ADAMTS12: variants seen among roughly 807,000 people sequenced by gnomAD.
ADAMTS12 encodes the protein A disintegrin and metalloproteinase with thrombospondin motifs 12.
ADAMTS12 carries 118 observed loss-of-function variants against 167.8 expected under a neutral mutation model. The observed-to-expected ratio is 0.70, with a 90% CI of 0.61 to 0.82. The LOEUF is 0.82. Ranked by LOEUF, ADAMTS12 falls within the 40% of genes least tolerant of loss-of-function variation. The pLI is 0.00. For missense variants in ADAMTS12, 1,916 were observed against 1,998.8 expected (o/e 0.96, Z 0.79); for synonymous variants, 704 against 716.9 (o/e 0.98, Z 0.29).
chr5:33,674,028 C>G (rs1177094176), intron 5 of ADAMTS12, among the ~76,000 whole-genome samples: 1 of 152,190 alleles, frequency 6.6e-6, no homozygotes, highest in African/African-American at 2.4e-5. Context: ...AAATTGTATG[C>G]CTGCTTTCCT....
intron 17 of ADAMTS12, among the ~76,000 whole-genome samples, chr5:33,594,935 T>C (rs1747838664): frequency 6.6e-6 from 1 of 152,204 alleles, no homozygotes; most frequent in Non-Finnish European, 1.5e-5. Context: ...GTCACCTGTT[T>C]GAGTCTCCCC....
chr5:33,658,483 T>G (rs951367213), intron 6 of ADAMTS12, 150 bp from the exon 7 acceptor site: 1 of 798,922 alleles, frequency 1.3e-6, no homozygotes, highest in Admixed American at 3.1e-5. Context: ...TAGGCAGCAA[T>G]TTTGAATTCA....
chr5:33,810,715 C>T (rs1257938543), intron 2 of ADAMTS12, among the ~76,000 whole-genome samples: 1 of 152,126 alleles, frequency 6.6e-6, no homozygotes, highest in African/African-American at 2.4e-5. Flanking sequence ...GAATTTTGCC[C>T]TAAAATTGAG....
At chr5:33,879,460 A>T (rs968130048) in intron 2 of ADAMTS12, among the ~76,000 whole-genome samples, 2 of 152,180 alleles carry the variant, frequency 1.3e-5, no homozygotes, top group Non-Finnish European at 2.9e-5. Flanking sequence ...CAGGAATGAG[A>T]GCCAGGATTG....
intron 7 of ADAMTS12, among the ~76,000 whole-genome samples, chr5:33,651,785 A>C (rs1740875581): frequency 6.6e-6 from 1 of 152,046 alleles, no homozygotes; most frequent in African/African-American, 2.4e-5. Context: ...TTTTCAACTC[A>C]TTCTCCTCCC....
At chr5:33,668,985 A>G in intron 5 of ADAMTS12, among the ~76,000 whole-genome samples, 1 of 152,232 alleles carries the variant, frequency 6.6e-6, no homozygotes, top group East Asian at 1.9e-4. Flanking sequence ...AGTCAGCCCA[A>G]AATAAAAGGT....
At chr5:33,624,432 T>C in intron 13 of ADAMTS12, 81 bp from the exon 14 acceptor site, 1 of 1,584,038 alleles carries the variant, frequency 6.3e-7, no homozygotes, top group Middle Eastern at 2.1e-4. Context: ...TTCTTTCCCC[T>C]TTGGTGCTTC....
intron 3 of ADAMTS12, among the ~76,000 whole-genome samples, chr5:33,728,814 GA>G (rs1273449167): frequency 1.3e-5 from 2 of 152,182 alleles, no homozygotes; most frequent in Non-Finnish European, 2.9e-5. Context: ...AGGTATGGTT[GA>G]ACTCATCATT....
chr5:33,625,742 C>T (rs1392842643), intron 13 of ADAMTS12, among the ~76,000 whole-genome samples: 4 of 152,200 alleles, frequency 2.6e-5, no homozygotes, highest in African/African-American at 4.8e-5. Flanking sequence ...CCCCAACATT[C>T]TGTCCCACAG....
chr5:33,684,006 C>A lies in ADAMTS12; in HGVS notation c.684G>T (p.Glu228Asp). The A allele has an allele frequency of 1.9e-6, 3 of 1,604,386 alleles. No individual in the cohort carries two copies. Among genetic ancestry groups the A allele is most frequent in the Non-Finnish European group, 2.6e-6 (3 of 1,174,392 alleles). ...GGCTTCTGCTTGGCAAGTTGTGCCT[C>A]TCCCACTTCTCCCGCCATAGCTCTT... ...QKQELWREKW[E>D]RHNLPSRSLS... is the part of the protein sequence containing the mutation. The change falls in exon 4 of 24, where the codon GAG becomes GAT. Residue 228 changes from glutamate (E) to aspartate (D), a missense_variant. Glu to Asp is a conservative substitution (Grantham distance 45, BLOSUM62 2). Transcript: ENST00000504830.
intron 2 of ADAMTS12, among the ~76,000 whole-genome samples, chr5:33,793,763 C>T (rs1201584702): frequency 6.6e-6 from 1 of 152,142 alleles, no homozygotes; most frequent in Admixed American, 6.5e-5. Context: ...TCACTCCCAC[C>T]GTGCCCCCAC....
At chr5:33,667,959 C>T (rs1741531706) in intron 5 of ADAMTS12, among the ~76,000 whole-genome samples, 1 of 152,176 alleles carries the variant, frequency 6.6e-6, no homozygotes, top group South Asian at 2.1e-4. Flanking sequence ...CTTCCAATAT[C>T]TTTCTATCCT....
chr5:33,559,312 G>T (rs755122935), intron 20 of ADAMTS12, among the ~76,000 whole-genome samples: 4 of 152,120 alleles, frequency 2.6e-5, no homozygotes, highest in Admixed American at 6.6e-5. Context: ...ATGGCAAACA[G>T]GTATATGCAC....
At chr5:33,577,194 A>G in intron 18 of ADAMTS12, 34 bp from the exon 19 acceptor site, 4 of 1,613,494 alleles carry the variant, frequency 2.5e-6, no homozygotes, top group Non-Finnish European at 3.4e-6. Context: ...GCCTGGCGAG[A>G]GAAGATGCTT....
chr5:33,541,742 C>A (rs1744706281), intron 22 of ADAMTS12, among the ~76,000 whole-genome samples: 1 of 152,170 alleles, frequency 6.6e-6, no homozygotes, highest in Non-Finnish European at 1.5e-5. Context: ...AACTAAGCTT[C>A]ATAAGTGAAG....
At chr5:33,861,784 C>A (rs1268658055) in intron 2 of ADAMTS12, among the ~76,000 whole-genome samples, 1 of 152,206 alleles carries the variant, frequency 6.6e-6, no homozygotes. Flanking sequence ...GAAAGTAAAA[C>A]ACTCCTCAGC....
At chr5:33,876,740 G>C (rs1171793049) in intron 2 of ADAMTS12, among the ~76,000 whole-genome samples, 1 of 152,110 alleles carries the variant, frequency 6.6e-6, no homozygotes, top group African/African-American at 2.4e-5. Flanking sequence ...AGCTATAAAA[G>C]GATAACATGA....
rs537270586 is a variant in ADAMTS12, at chr5:33,805,900, G to A, written c.490-54352C>T. Among the ~76,000 whole-genome samples, 3 of 145,334 alleles carry A rather than the reference G, an allele frequency of 2.1e-5. No individual in the cohort carries two copies. In the East Asian group the frequency reaches 6.2e-4, roughly 30 times the overall value. ...GAGATTTTGTCTCTGAAAAGAAAAG[G>A]GGGAAAAAAAAGCCACCTCTCATTT... On this transcript the variant is annotated intron_variant, in intron 2 of 23. Transcript: ENST00000504830.
At chr5:33,849,854 C>T (rs62349858) in intron 2 of ADAMTS12, among the ~76,000 whole-genome samples, 79,045 of 149,510 alleles carry the variant, frequency 0.53, 23,348 homozygotes, top group East Asian at 0.83. Flanking sequence ...TAGCAATATA[C>T]ATTGTATCAA....
Sources: gnomAD v4.1 joint callset for allele counts (sites outside exome capture counted in the v4.1 genomes callset) on GRCh38, gnomAD v4.1.1 for gene constraint, MANE v1.5 for transcripts, NCBI Gene and HGNC (gene_info 2026-07-23, HGNC 2026-07-21) for gene names.